The following MTSS2 variants were observed in gnomAD, a reference collection of about 807,000 sequenced individuals.
MTSS2 encodes protein MTSS 2.
MTSS2 carries 27 observed loss-of-function variants against 67.1 expected under a neutral mutation model. That is an observed-to-expected ratio of 0.40 (90% CI 0.30 to 0.55). MTSS2 has a LOEUF of 0.55. MTSS2 is among the 20% of genes least tolerant of loss of function. The pLI is 0.43. For synonymous variants in MTSS2, 624 were observed against 468.6 expected, an observed-to-expected ratio of 1.33 and a Z score of -4.28; for missense variants, 1,171 against 1,067.8, an observed-to-expected ratio of 1.10 and a Z score of -1.35.
intron 11 of MTSS2, among the ~76,000 whole-genome samples, chr16:70,670,145 C>T (rs1455360852): frequency 6.6e-6 from 1 of 152,118 alleles, no homozygotes; most frequent in Non-Finnish European, 1.5e-5. Flanking sequence ...GTGGCATGCG[C>T]CTGTAATCCC....
intron 11 of MTSS2, among the ~76,000 whole-genome samples, chr16:70,671,401 C>CA (rs774830213): frequency 0.017 from 1,616 of 95,718 alleles, 23 homozygotes; most frequent in African/African-American, 0.053. Flanking sequence ...GAGTCTGTGT[C>CA]AAAAAAAAAA....
intron 11 of MTSS2, among the ~76,000 whole-genome samples, chr16:70,668,141 A>G (rs2052790675): frequency 6.6e-6 from 1 of 151,736 alleles, no homozygotes; most frequent in African/African-American, 2.4e-5. Context: ...GGCTGGGTGC[A>G]GTGGCTAATG....
intron 7 of MTSS2, 46 bp downstream of exon 7, chr16:70,679,269 C>A: frequency 2.5e-6 from 4 of 1,610,926 alleles, no homozygotes; most frequent in Non-Finnish European, 3.4e-6. Context: ...CAGACAAATG[C>A]GACAAGGACG....
rs1212406920 is a variant in MTSS2, at chr16:70,678,287, A to G, written c.589T>C (p.Phe197Leu). 6.2e-7 allele frequency: 1 copy of G among 1,611,928 alleles called. No homozygotes were observed. Residue 197 changes from phenylalanine to leucine, a missense_variant, in exon 8 of 15, where the codon TTC (phenylalanine) becomes CTC (leucine). Phe to Leu is a conservative substitution (Grantham distance 22). This residue lies in a region of MTSS2 where 247 missense variants were observed against 311.8 expected (regional missense o/e 0.79). Transcript: ENST00000338779. ...RRALIEERGR[F>L]CTFITFLQPV... ...TGCAGGAAGGTGATGAAGGTGCAGA[A>G]GCGGCCCCGCTCCTCGATCAGCGCC... is the stretch of plus-strand genomic sequence containing the variant.
chr16:70,679,210 T>A (rs1357004956), intron 7 of MTSS2, 105 bp downstream of exon 7: 4 of 1,450,944 alleles, frequency 2.8e-6, no homozygotes, highest in Non-Finnish European at 3.9e-6. Context: ...CTTCCTCGCT[T>A]CTCCTTGGCC....
Position 70,663,333 on chromosome 16 carries a change from G to C in MTSS2, c.*344C>G, listed in dbSNP as rs1322155446. 3.3e-6 allele frequency: 1 copy of C among 306,252 alleles called. No homozygotes were observed. The highest frequency in any genetic ancestry group is 2.2e-5 in the African/African-American group (1 of 45,378). The allele number at this position is 306,252 out of a possible 1,614,324, so 19.0% of individuals were successfully genotyped here. ...CCTGGGAGAGGCCGGGATGGTGAAAGGGAGGCCAGCCTGGCCCCTCTGTCA... is the reference window on the plus strand; with the variant it reads ...CCTGGGAGAGGCCGGGATGGTGAAACGGAGGCCAGCCTGGCCCCTCTGTCA... On this transcript the variant is annotated 3_prime_UTR_variant, in exon 15 of 15. Coordinates refer to ENST00000338779, the MANE Select transcript of MTSS2 (RefSeq NM_138383.3).
In MTSS2 at chr16:70,667,278, C is replaced by CAAAAA. The variant is rs34779308; in HGVS notation, c.1054-1743_1054-1739dup. ...TGCGTGACAGAGCAAGACTCTGTCT[C>CAAAAA]AAAAAAAAAAAAAAAAAAAAAATCA... On this transcript the variant is annotated intron_variant, in intron 11 of 14. Transcript: ENST00000338779. 2.9e-3 allele frequency among the ~76,000 whole-genome samples: 200 copies of CAAAAA among 69,650 alleles called. 9 individuals carry two copies. The highest frequency in any genetic ancestry group is 4.1e-3 in the African/African-American group (70 of 16,962). The allele number at this position is 69,650 out of a possible 152,430, so 45.7% of individuals were successfully genotyped here. A position where few individuals can be genotyped will look rare whatever the true frequency, so the allele number is the denominator to read the frequency against.
At chr16:70,679,751 G>A (rs76602679) in intron 5 of MTSS2, 35 bp downstream of exon 5, 4 of 1,608,868 alleles carry the variant, frequency 2.5e-6, no homozygotes, top group East Asian at 4.5e-5. Flanking sequence ...CCTGCGGAGT[G>A]GGGGGTGGGA....
In MTSS2 at chr16:70,664,171, T is replaced by TGGGGCC. The variant is rs2052604475; in HGVS notation, c.1744_1749dup (p.Gly582_Pro583dup). ...GGGACGATGGGCGGCCGGATGGGGA[T>TGGGGCC]GGGGCCAGCGCTGGACAGGGCGCGG... is the stretch of plus-strand genomic sequence containing the variant. On this transcript the variant is annotated inframe_insertion, in exon 15 of 15. Transcript: ENST00000338779. 1.9e-6 allele frequency: 3 copies of TGGGGCC among 1,605,432 alleles called. No individual in the cohort carries two copies. Among genetic ancestry groups the TGGGGCC allele is most frequent in the Non-Finnish European group, 2.5e-6 (3 of 1,179,340 alleles).
rs557963959 is a variant in MTSS2 at position 70,664,743 on chromosome 16, G to T, written c.1326C>A (p.Pro442=). ...GCACCATGGCCAGGTCACTGGCGGC[G>T]GGGGACACCTCCTCACCGTGCTGAG... is the stretch of plus-strand genomic sequence containing the variant. ...IAAKHGEEVS[P]AASDLAMVLT... The change falls in exon 14 of 15, where the codon CCC becomes CCA. Residue 442 remains proline, a synonymous_variant. Coordinates refer to ENST00000338779, the MANE Select transcript of MTSS2 (RefSeq NM_138383.3). 3 of 1,611,912 alleles carry T rather than the reference G, an allele frequency of 1.9e-6. No homozygotes were observed. The highest frequency in any genetic ancestry group is 2.5e-6 in the Non-Finnish European group (3 of 1,179,384).
At chr16:70,680,681 C>A in intron 3 of MTSS2, 113 bp downstream of exon 3, 3 of 932,800 alleles carry the variant, frequency 3.2e-6, no homozygotes, top group Non-Finnish European at 5.0e-6. Context: ...GAGCAGAACT[C>A]AAGGTTCTGG....
chr16:70,668,483 G>C (rs771474207), intron 11 of MTSS2, among the ~76,000 whole-genome samples: 20 of 152,088 alleles, frequency 1.3e-4, no homozygotes, highest in Non-Finnish European at 2.8e-4. Flanking sequence ...ATAAGGCAGA[G>C]AAATCAACAA....
rs375803505 is a variant in MTSS2 at position 70,665,079 on chromosome 16, G to T, written c.1146C>A (p.Gly382=). 1.3e-6 allele frequency: 2 copies of T among 1,596,990 alleles called. No individual in the cohort carries two copies. The highest frequency in any genetic ancestry group is 1.7e-6 in the Non-Finnish European group (2 of 1,179,452). The change falls in exon 13 of 15, where the codon GGC becomes GGA. Residue 382 remains glycine (G), a synonymous_variant. Coordinates refer to ENST00000338779, the MANE Select transcript of MTSS2 (RefSeq NM_138383.3). ...TGGCGCCTGAGGGCTGCTCATGGGA[G>T]CCGACCTTGGACCAGTCCTGCAGGG... The part of the protein sequence containing the change: ...SSPTSDWSKV[G]SHEQPSGATL...
At chr16:70,670,426 G>GC (rs1282339243) in intron 11 of MTSS2, among the ~76,000 whole-genome samples, 1 of 152,164 alleles carries the variant, frequency 6.6e-6, no homozygotes, top group Non-Finnish European at 1.5e-5. Context: ...CTAGGAATGT[G>GC]CCCCACAGAA....
At chr16:70,667,278 CAAAAAAA>C (rs34779308) in intron 11 of MTSS2, among the ~76,000 whole-genome samples, 4 of 69,788 alleles carry the variant, frequency 5.7e-5, no homozygotes, top group Non-Finnish European at 7.7e-5. Context: ...GACTCTGTCT[CAAAAAAA>C]AAAAAAAAAA....
chr16:70,683,786 G>A (rs934969294), intron 1 of MTSS2, among the ~76,000 whole-genome samples: 11 of 152,182 alleles, frequency 7.2e-5, no homozygotes, highest in African/African-American at 1.4e-4. Flanking sequence ...CTTCCTCTAC[G>A]GAGGCCCTGC....
chr16:70,664,467 A>T lies in MTSS2; in HGVS notation c.1472-18T>A. The T allele has an allele frequency of 6.5e-7, 1 of 1,539,426 alleles. No individual in the cohort carries two copies. On this transcript the variant is annotated intron_variant, in intron 14 of 14. Coordinates refer to ENST00000338779, the MANE Select transcript of MTSS2 (RefSeq NM_138383.3). ...GTCGGAGCCTGGGGGCACGGGACAC[A>T]GTGAGGCCCAGGGCCCAGGTGGCCC...
chr16:70,663,867 G>A lies in MTSS2; in HGVS notation c.2054C>T (p.Ala685Val). ...VEKLGELVAG[A>V]HALGEGQFPF... ...GAACTGGCCCTCACCCAGTGCGTGG[G>A]CACCCGCCACCAGCTCCCCCAGCTT... is the stretch of plus-strand genomic sequence containing the variant. Residue 685 changes from alanine to valine, a missense_variant, in exon 15 of 15, where the codon GCC becomes GTC. This residue lies in a region of MTSS2 where 924 missense variants were observed against 756.0 expected (regional missense o/e 1.22). Coordinates refer to ENST00000338779, the MANE Select transcript of MTSS2 (RefSeq NM_138383.3). 1.3e-6 allele frequency: 2 copies of A among 1,542,972 alleles called. No individual in the cohort carries two copies. The highest frequency in any genetic ancestry group is 8.7e-7 in the Non-Finnish European group (1 of 1,146,766).
At position 70,663,002 on chromosome 16, in the gene MTSS2, G is replaced by A. The variant is rs887409159; in HGVS notation, c.*675C>T. 1 of 152,252 alleles carries A rather than the reference G, an allele frequency of 6.6e-6. No individual in the cohort carries two copies. The highest frequency in any genetic ancestry group is 1.5e-5 in the Non-Finnish European group (1 of 68,488). 9.4% of individuals were successfully genotyped at this position (152,252 alleles called of 1,614,324 possible). A position where few individuals can be genotyped will look rare whatever the true frequency, so the allele number is the denominator to read the frequency against. ...ACGGGGTGGGGGAGGCGAGGGGTGG[G>A]AGCCACCACAGGGCCCCCAAGACCC... On this transcript the variant is annotated 3_prime_UTR_variant, in exon 15 of 15. Transcript: ENST00000338779.
Sources: gnomAD v4.1 joint callset for allele counts (sites outside exome capture counted in the v4.1 genomes callset) on GRCh38, gnomAD v4.1.1 for gene constraint, gnomAD v4.1.1 regional missense constraint, MANE v1.5 for transcripts, NCBI Gene and HGNC (gene_info 2026-07-23, HGNC 2026-07-21) for gene names.